Variants in PCSK2 observed in about 807,000 individuals in gnomAD.
PCSK2 encodes proprotein convertase subtilisin/kexin type 2.
A neutral mutation model predicts 69.7 loss-of-function variants in PCSK2; 14 were observed. The ratio of observed to expected loss-of-function variants is 0.20; its 90% CI spans 0.13 to 0.31. PCSK2 has a LOEUF of 0.31. Ranked by LOEUF, PCSK2 falls within the 10% of genes least tolerant of loss-of-function variation. The probability of loss-of-function intolerance (pLI) is 1.00; values close to 1 mark genes in which losing one functional copy is unlikely to be tolerated. For synonymous variants in PCSK2, 307 were observed against 320.7 expected (o/e 0.96, Z 0.46); for missense variants, 544 against 842.5 (o/e 0.65, Z 4.39).
intron 7 of PCSK2, among the ~76,000 whole-genome samples, chr20:17,434,878 C>A (rs1247189214): frequency 6.6e-6 from 1 of 152,174 alleles, no homozygotes; most frequent in African/African-American, 2.4e-5. Flanking sequence ...GCTGCACTGA[C>A]CAGTTTATTC....
At chr20:17,479,040 G>T in intron 11 of PCSK2, 2 of 1,081,198 alleles carry the variant, frequency 1.8e-6, no homozygotes, top group African/African-American at 1.6e-5. Context: ...AGGATACACT[G>T]ACAAATTCTT....
intron 1 of PCSK2, among the ~76,000 whole-genome samples, chr20:17,239,584 A>T (rs910475071): frequency 5.5e-4 from 84 of 152,116 alleles, no homozygotes; most frequent in African/African-American, 1.9e-3. Context: ...TGAGGAGAGG[A>T]CCAAAGAAGA....
chr20:17,248,076 T>C (rs1243405003), intron 1 of PCSK2, among the ~76,000 whole-genome samples: 1 of 152,164 alleles, frequency 6.6e-6, no homozygotes, highest in Non-Finnish European at 1.5e-5. Flanking sequence ...ATCTTCAAGC[T>C]GACAATTTGC....
In PCSK2 at chr20:17,469,894, G is replaced by A. The variant is rs554781693; in HGVS notation, c.1430+4341G>A. ...AGGTGAGGCTTGGGTAGGGGAGGGA[G>A]TTTCAGTAAACATTCCCCTGGGGAT... On this transcript the variant is annotated intron_variant, in intron 11 of 11. Transcript: ENST00000262545. 1.3e-4 allele frequency among the ~76,000 whole-genome samples: 20 copies of A among 152,224 alleles called. No homozygotes were observed. In the East Asian group the frequency reaches 3.5e-3, roughly 26 times the overall value.
chr20:17,309,732 C>T (rs909422858), intron 2 of PCSK2, among the ~76,000 whole-genome samples: 1 of 152,046 alleles, frequency 6.6e-6, no homozygotes, highest in African/African-American at 2.4e-5. Context: ...GCAGGAGCAT[C>T]ACTTGAACTT....
chr20:17,440,249 G>A (rs1005765240), intron 8 of PCSK2, among the ~76,000 whole-genome samples: 3 of 152,130 alleles, frequency 2.0e-5, no homozygotes, highest in Non-Finnish European at 4.4e-5. Flanking sequence ...AAACCTCAGC[G>A]CCTCCTCCCC....
chr20:17,238,967 T>C (rs1483940281), intron 1 of PCSK2, among the ~76,000 whole-genome samples: 1 of 152,162 alleles, frequency 6.6e-6, no homozygotes, highest in Non-Finnish European at 1.5e-5. Flanking sequence ...CTTAGCATCA[T>C]CATTAGATTT....
rs1022072627 is a variant in PCSK2 at position 17,249,436 on chromosome 20, G to A, written c.178-10804G>A. Among the ~76,000 whole-genome samples the A allele has an allele frequency of 1.3e-4, 20 of 151,572 alleles. No individual in the cohort carries two copies. The Middle Eastern group carries it at 0.01, about 78-fold the overall frequency. On this transcript the variant is annotated intron_variant, in intron 1 of 11. Transcript: ENST00000262545. ...GCAGGAGAATGGCGTTAACCTGGGA[G>A]GTGGAGTTTGCAGTGAGCCGAGATC...
At chr20:17,359,136 G>A (rs952858224) in intron 3 of PCSK2, among the ~76,000 whole-genome samples, 1 of 152,226 alleles carries the variant, frequency 6.6e-6, no homozygotes, top group African/African-American at 2.4e-5. Flanking sequence ...ATTTGTAAAT[G>A]TGAATGAAGC....
intron 11 of PCSK2, among the ~76,000 whole-genome samples, chr20:17,475,566 A>C (rs1005676703): frequency 2.0e-5 from 3 of 152,160 alleles, no homozygotes; most frequent in Admixed American, 6.5e-5. Flanking sequence ...TGGCTGTCTC[A>C]TCTCTGATTC....
intron 2 of PCSK2, among the ~76,000 whole-genome samples, chr20:17,312,720 G>A (rs1360568955): frequency 6.6e-6 from 1 of 152,024 alleles, no homozygotes; most frequent in African/African-American, 2.4e-5. Context: ...GAGAAGAGAG[G>A]TGCTGTAGTG....
At chr20:17,299,308 C>T (rs772059571) in intron 2 of PCSK2, among the ~76,000 whole-genome samples, 3 of 152,088 alleles carry the variant, frequency 2.0e-5, no homozygotes, top group African/African-American at 7.2e-5. Context: ...ATATGAAATG[C>T]TACTTTTATG....
At chr20:17,394,047 CA>C (rs2123277070) in intron 5 of PCSK2, among the ~76,000 whole-genome samples, 1 of 152,256 alleles carries the variant, frequency 6.6e-6, no homozygotes, top group East Asian at 1.9e-4. Context: ...TCTGTAGTCC[CA>C]ACAACTTGGG....
At chr20:17,333,263 A>G (rs1473936562) in intron 2 of PCSK2, among the ~76,000 whole-genome samples, 1 of 152,202 alleles carries the variant, frequency 6.6e-6, no homozygotes, top group Non-Finnish European at 1.5e-5. Flanking sequence ...TATTTAGAAA[A>G]TCTGAATGAA....
intron 2 of PCSK2, among the ~76,000 whole-genome samples, chr20:17,293,042 C>T (rs60145768): frequency 0.093 from 14,076 of 152,114 alleles, 800 homozygotes; most frequent in African/African-American, 0.16. Context: ...CCAGGCTGGT[C>T]TTGAACTCCT....
chr20:17,406,158 C>T (rs560538326), intron 5 of PCSK2, among the ~76,000 whole-genome samples: 1 of 152,252 alleles, frequency 6.6e-6, no homozygotes, highest in East Asian at 1.9e-4. Context: ...ATAGAAGACT[C>T]CAGTAGCATT....
chr20:17,271,579 C>A (rs1023692159), intron 2 of PCSK2, among the ~76,000 whole-genome samples: 2 of 151,928 alleles, frequency 1.3e-5, no homozygotes, highest in African/African-American at 4.8e-5. Flanking sequence ...GCAAAATGAT[C>A]TTCTCCTCTG....
chr20:17,479,346 AC>A, intron 11 of PCSK2: 1 of 736,392 alleles, frequency 1.4e-6, no homozygotes, highest in Non-Finnish European at 2.5e-6. Context: ...ACCACCTAAA[AC>A]CCCGTCTGCA....
intron 2 of PCSK2, among the ~76,000 whole-genome samples, chr20:17,318,669 G>A (rs940476199): frequency 7.2e-5 from 11 of 152,110 alleles, no homozygotes; most frequent in South Asian, 2.1e-4. Context: ...TCATCTCCAC[G>A]GGGCATTCCA....
Sources: allele counts gnomAD v4.1 joint callset (sites outside exome capture counted in the v4.1 genomes callset), GRCh38; gene constraint gnomAD v4.1.1; transcripts MANE v1.5; gene names NCBI Gene and HGNC (gene_info 2026-07-23, HGNC 2026-07-21).